NTM: variants seen among roughly 807,000 people sequenced by gnomAD.
NTM encodes the protein IgLON family member 2.
A neutral mutation model predicts 42.1 loss-of-function variants in NTM; 13 were observed. The observed-to-expected ratio is 0.31, with a 90% CI of 0.20 to 0.49. NTM has a LOEUF of 0.49. NTM is among the 20% of genes least tolerant of loss of function. The probability of loss-of-function intolerance (pLI) is 0.99; values close to 1 mark genes in which losing one functional copy is unlikely to be tolerated. For synonymous variants in NTM, 187 were observed against 179.2 expected, an observed-to-expected ratio of 1.04 and a Z score of -0.35; for missense variants, 373 against 452.8, an observed-to-expected ratio of 0.82 and a Z score of 1.60.
chr11:132,189,534 C>G (rs747201550), intron 3 of NTM, among the ~76,000 whole-genome samples: 40 of 152,062 alleles, frequency 2.6e-4, no homozygotes, highest in African/African-American at 9.4e-4. Flanking sequence ...AAGAAGGAAC[C>G]GAACTTGGAC....
At chr11:131,996,931 A>G (rs1266882900) in intron 2 of NTM, among the ~76,000 whole-genome samples, 1 of 152,156 alleles carries the variant, frequency 6.6e-6, no homozygotes, top group South Asian at 2.1e-4. Flanking sequence ...AATTCACCCA[A>G]TAGTTCATCC....
At chr11:131,736,300 A>G (rs1162160931) in intron 1 of NTM, among the ~76,000 whole-genome samples, 1 of 152,186 alleles carries the variant, frequency 6.6e-6, no homozygotes, top group East Asian at 1.9e-4. Context: ...AAGTAGTCAC[A>G]GCTCTCCTTC....
Position 131,789,636 on chromosome 11 carries a change from AAAGAAGAAGAAGAAGAAG to A in NTM, c.83-121913_83-121896del, listed in dbSNP as rs374898394. ...AAGAAGAAGAAGAAGAAGAAGAAGA[AAAGAAGAAGAAGAAGAAG>A]AAGAAGAAGAAGAAAGCATGGGCCG... is the stretch of plus-strand genomic sequence containing the variant. On this transcript the variant is annotated intron_variant, in intron 1 of 8. Coordinates refer to ENST00000683400, the MANE Select transcript of NTM (RefSeq NM_001352005.2). Among the ~76,000 whole-genome samples the A allele has an allele frequency of 2.3e-4, 7 of 30,900 alleles. 1 individual carries two copies. Among genetic ancestry groups the A allele is most frequent in the Admixed American group, 8.0e-4 (3 of 3,762 alleles). 20.3% of individuals were successfully genotyped at this position (30,900 alleles called of 152,430 possible). A position where few individuals can be genotyped will look rare whatever the true frequency, so the allele number is the denominator to read the frequency against.
chr11:131,897,395 G>C (rs988795277), intron 1 of NTM, among the ~76,000 whole-genome samples: 3 of 152,210 alleles, frequency 2.0e-5, no homozygotes, highest in Admixed American at 6.5e-5. Flanking sequence ...CCTTGGTAAA[G>C]TTTACATCAC....
At chr11:132,136,774 A>G (rs958276038) in intron 2 of NTM, among the ~76,000 whole-genome samples, 15 of 152,080 alleles carry the variant, frequency 9.9e-5, no homozygotes, top group African/African-American at 3.4e-4. Flanking sequence ...ATGGTGCTTT[A>G]GGGTGATAGG....
intron 1 of NTM, among the ~76,000 whole-genome samples, chr11:131,866,410 G>T (rs560109588): frequency 6.6e-6 from 1 of 152,374 alleles, no homozygotes; most frequent in South Asian, 2.1e-4. Context: ...CTTGGGGCCA[G>T]AAGCCTGGAA....
At chr11:131,372,209 C>T (rs10791140) in intron 1 of NTM, among the ~76,000 whole-genome samples, 45,917 of 151,930 alleles carry the variant, frequency 0.3, 7,667 homozygotes, top group East Asian at 0.6. Flanking sequence ...GACTGGGGCT[C>T]GATGAAGAAG....
chr11:131,610,659 G>C (rs910597873), intron 1 of NTM, among the ~76,000 whole-genome samples: 4 of 152,202 alleles, frequency 2.6e-5, no homozygotes, highest in African/African-American at 9.6e-5. Context: ...CCCCTGAGAA[G>C]TGTTCTAGGA....
chr11:131,470,228 A>G (rs1952306043), intron 1 of NTM, among the ~76,000 whole-genome samples: 1 of 152,114 alleles, frequency 6.6e-6, no homozygotes, highest in South Asian at 2.1e-4. Flanking sequence ...GGAAAGTAGG[A>G]CTCTAATCCA....
At chr11:131,401,708 A>G (rs1945151778) in intron 1 of NTM, among the ~76,000 whole-genome samples, 1 of 149,168 alleles carries the variant, frequency 6.7e-6, no homozygotes, top group Non-Finnish European at 1.5e-5. Context: ...ATTAGAAATC[A>G]TAAAGAATTT....
At chr11:131,914,194 G>A (rs948903692) in intron 2 of NTM, among the ~76,000 whole-genome samples, 1 of 152,168 alleles carries the variant, frequency 6.6e-6, no homozygotes, top group Non-Finnish European at 1.5e-5. Flanking sequence ...CTGACTGTAG[G>A]TTGCAACCAT....
intron 4 of NTM, among the ~76,000 whole-genome samples, chr11:132,267,407 C>G (rs974484225): frequency 2.6e-5 from 4 of 152,048 alleles, no homozygotes; most frequent in Admixed American, 6.6e-5. Context: ...ATCTCCCTCC[C>G]TCACACTTTC....
At position 131,879,539 on chromosome 11, in the gene NTM, G is replaced by A. The variant is rs116083012; in HGVS notation, c.83-32025G>A. ...GAATTCAAGAATATAAAGCAAAATC[G>A]AGGGTTTCAGAAAGGTGGAATGGAA... is the stretch of plus-strand genomic sequence containing the variant. On this transcript the variant is annotated intron_variant, in intron 1 of 8. Coordinates refer to ENST00000683400, the MANE Select transcript of NTM (RefSeq NM_001352005.2). Among the ~76,000 whole-genome samples the A allele has an allele frequency of 9.4e-3, 1,435 of 152,224 alleles. 26 individuals are homozygous for A. Among genetic ancestry groups the A allele is most frequent in the African/African-American group, 0.033 (1,351 of 41,530 alleles).
At chr11:131,676,386 A>G (rs891978860) in intron 1 of NTM, among the ~76,000 whole-genome samples, 3 of 152,214 alleles carry the variant, frequency 2.0e-5, no homozygotes, top group African/African-American at 7.2e-5. Flanking sequence ...AAGCTACCCA[A>G]AGAAGTGAAG....
intron 1 of NTM, among the ~76,000 whole-genome samples, chr11:131,881,510 C>CA (rs67919649): frequency 0.068 from 9,881 of 145,158 alleles, 736 homozygotes; most frequent in African/African-American, 0.19. Context: ...ACACACACAC[C>CA]CCCCAAAGCT....
At chr11:131,831,627 T>C (rs901370383) in intron 1 of NTM, among the ~76,000 whole-genome samples, 19 of 152,200 alleles carry the variant, frequency 1.2e-4, no homozygotes, top group African/African-American at 4.3e-4. Context: ...TTACTAAATG[T>C]GTAAACTTTT....
At chr11:131,638,553 G>A (rs987414080) in intron 1 of NTM, among the ~76,000 whole-genome samples, 8 of 123,836 alleles carry the variant, frequency 6.5e-5, no homozygotes, top group Admixed American at 3.0e-4. Flanking sequence ...GTGACACAGC[G>A]AGACTCCTTC....
intron 1 of NTM, among the ~76,000 whole-genome samples, chr11:131,416,255 T>C (rs1354207328): frequency 6.6e-6 from 1 of 152,166 alleles, no homozygotes; most frequent in African/African-American, 2.4e-5. Context: ...ATTGTGTTCT[T>C]ATTTCCAAAC....
At chr11:131,817,006 G>A (rs936082294) in intron 1 of NTM, among the ~76,000 whole-genome samples, 1 of 152,102 alleles carries the variant, frequency 6.6e-6, no homozygotes, top group Non-Finnish European at 1.5e-5. Flanking sequence ...CCTTCCTGTG[G>A]CACAGCATCT....
Sources: allele counts gnomAD v4.1 joint callset (sites outside exome capture counted in the v4.1 genomes callset), GRCh38; gene constraint gnomAD v4.1.1; transcripts MANE v1.5; gene names NCBI Gene and HGNC (gene_info 2026-07-23, HGNC 2026-07-21).